The following GRIA4 variants were observed in gnomAD, a reference collection of about 807,000 sequenced individuals.
GRIA4 encodes glutamate ionotropic receptor AMPA type subunit 4, also known as glutamate receptor 4.
A neutral mutation model predicts 104.0 loss-of-function variants in GRIA4; 34 were observed. The observed-to-expected ratio is 0.33, with a 90% CI of 0.25 to 0.44. GRIA4 has a LOEUF of 0.44. GRIA4 is among the 20% of genes least tolerant of loss of function. The probability of loss-of-function intolerance (pLI) is 1.00; values close to 1 mark genes in which losing one functional copy is unlikely to be tolerated. For synonymous variants in GRIA4, 386 were observed against 381.9 expected (o/e 1.01, Z -0.13); for missense variants, 750 against 1,096.5 (o/e 0.68, Z 4.46).
chr11:105,823,646 A>G (rs1306986227), intron 4 of GRIA4, among the ~76,000 whole-genome samples: 1 of 152,104 alleles, frequency 6.6e-6, no homozygotes, highest in Non-Finnish European at 1.5e-5. Context: ...ATAATGAACA[A>G]AGTATAATAA....
At chr11:105,938,023 G>A (rs190198798) in intron 14 of GRIA4, among the ~76,000 whole-genome samples, 2 of 152,136 alleles carry the variant, frequency 1.3e-5, no homozygotes, top group African/African-American at 2.4e-5. Context: ...ATCTCTCATT[G>A]GACTTTTCCT....
At chr11:105,917,138 T>G (rs982103977) in intron 10 of GRIA4, among the ~76,000 whole-genome samples, 3 of 152,202 alleles carry the variant, frequency 2.0e-5, no homozygotes, top group African/African-American at 7.2e-5. Context: ...TACTGCATAA[T>G]TTTCATCTAT....
At chr11:105,896,666 G>A (rs1006244748) in intron 6 of GRIA4, among the ~76,000 whole-genome samples, 9 of 152,056 alleles carry the variant, frequency 5.9e-5, no homozygotes, top group African/African-American at 1.7e-4. Flanking sequence ...ATTGAATAGA[G>A]TATCCTTTCC....
chr11:105,652,120 T>C lies in GRIA4; in HGVS notation c.247+39686T>C, dbSNP rs1951701378. On this transcript the variant is annotated intron_variant, in intron 3 of 16. Transcript: ENST00000282499. ...CCTATAGAAAGGGATTGAAATTTAC[T>C]GATATTTTATGACAAACATTCAGCA... Among the ~76,000 whole-genome samples the C allele has an allele frequency of 6.6e-5, 10 of 152,306 alleles. No homozygotes were observed. In the South Asian group the frequency reaches 2.1e-3, roughly 32 times the overall value.
chr11:105,884,282 A>C (rs1378143383), intron 5 of GRIA4, among the ~76,000 whole-genome samples: 2 of 152,254 alleles, frequency 1.3e-5, no homozygotes, highest in African/African-American at 2.4e-5. Context: ...ATTTTTTAAA[A>C]AGCAATTACA....
At chr11:105,621,881 T>TA (rs1950755862) in intron 3 of GRIA4, among the ~76,000 whole-genome samples, 2 of 151,904 alleles carry the variant, frequency 1.3e-5, no homozygotes, top group Admixed American at 1.3e-4. Flanking sequence ...TTTGAATCTT[T>TA]ACTTGTCCTG....
At chr11:105,804,416 A>T (rs148449100) in intron 4 of GRIA4, among the ~76,000 whole-genome samples, 38 of 151,878 alleles carry the variant, frequency 2.5e-4, no homozygotes, top group African/African-American at 9.2e-4. Context: ...AATGACACAT[A>T]TGACACATCT....
At chr11:105,888,150 T>C (rs1946332355) in intron 6 of GRIA4, among the ~76,000 whole-genome samples, 1 of 152,006 alleles carries the variant, frequency 6.6e-6, no homozygotes, top group Admixed American at 6.6e-5. Context: ...AACCATGTAG[T>C]GTAGGGGGTA....
At chr11:105,945,907 A>G (rs1948295677) in intron 14 of GRIA4, among the ~76,000 whole-genome samples, 1 of 152,196 alleles carries the variant, frequency 6.6e-6, no homozygotes. Flanking sequence ...TAAAATCCAA[A>G]GCATTTTTAT....
intron 5 of GRIA4, among the ~76,000 whole-genome samples, chr11:105,873,880 G>A (rs895306586): frequency 6.6e-6 from 1 of 152,112 alleles, no homozygotes; most frequent in Non-Finnish European, 1.5e-5. Context: ...TGTTCACTCT[G>A]ATGATAGTTT....
chr11:105,964,446 A>G (rs933813534), intron 14 of GRIA4, among the ~76,000 whole-genome samples: 66 of 152,250 alleles, frequency 4.3e-4, no homozygotes, highest in African/African-American at 1.4e-3. Context: ...TAAACACTTT[A>G]GTAGGCTAAT....
chr11:105,689,877 T>C (rs1953023288), intron 3 of GRIA4, among the ~76,000 whole-genome samples: 1 of 152,230 alleles, frequency 6.6e-6, no homozygotes, highest in Non-Finnish European at 1.5e-5. Flanking sequence ...TTTGTGAGGT[T>C]GTAACTAGCA....
chr11:105,923,403 G>A (rs1947621576), intron 11 of GRIA4, among the ~76,000 whole-genome samples: 1 of 152,084 alleles, frequency 6.6e-6, no homozygotes, highest in South Asian at 2.1e-4. Context: ...GAGCTGCCAT[G>A]ATATGTGAAT....
intron 4 of GRIA4, 55 bp downstream of exon 4, chr11:105,753,275 G>A (rs749502294): frequency 1.9e-6 from 3 of 1,539,596 alleles, no homozygotes; most frequent in African/African-American, 1.4e-5. Context: ...AATGTGAAAT[G>A]GCCTTATATG....
In GRIA4 at chr11:105,979,645, G is replaced by T; in HGVS notation, c.2615G>T (p.Arg872Leu). 2 of 1,613,334 alleles carry T rather than the reference G, an allele frequency of 1.2e-6. No individual in the cohort carries two copies. The highest frequency in any genetic ancestry group is 1.7e-6 in the Non-Finnish European group (2 of 1,179,288). The change falls in exon 17 of 17, where the codon CGC (arginine) becomes CTC (leucine). Residue 872 changes from arginine (R) to leucine (L), a missense_variant. Physicochemically the swap from Arg to Leu is moderately radical, Grantham distance 102. This residue lies in a region of GRIA4 where 68 missense variants were observed against 69.3 expected (regional missense o/e 0.98). Coordinates refer to ENST00000282499, the MANE Select transcript of GRIA4 (RefSeq NM_000829.4). The part of the protein sequence containing the change: ...SITGSVGENG[R>L]VLTPDCPKAV... ...ACTGGGAGTGTGGGAGAGAATGGCC[G>T]CGTCTTGACGCCTGACTGCCCAAAG... is the stretch of plus-strand genomic sequence containing the variant.
At chr11:105,674,592 C>A (rs753838673) in intron 3 of GRIA4, among the ~76,000 whole-genome samples, 1 of 151,714 alleles carries the variant, frequency 6.6e-6, no homozygotes, top group Admixed American at 6.6e-5. Context: ...TCCATTTACC[C>A]GAAAATTTGG....
intron 5 of GRIA4, among the ~76,000 whole-genome samples, chr11:105,882,185 G>T (rs1313258636): frequency 6.6e-6 from 1 of 152,122 alleles, no homozygotes; most frequent in Non-Finnish European, 1.5e-5. Flanking sequence ...CTCTGAATAT[G>T]TTGTGCCATT....
chr11:105,648,457 T>C (rs1951592273), intron 3 of GRIA4, among the ~76,000 whole-genome samples: 1 of 151,332 alleles, frequency 6.6e-6, no homozygotes, highest in Non-Finnish European at 1.5e-5. Flanking sequence ...TTATAGTATA[T>C]AAAATAATGC....
rs143174591 is a variant in GRIA4, at chr11:105,814,386, A to G, written c.488-47638A>G. On this transcript the variant is annotated intron_variant, in intron 4 of 16. Coordinates refer to ENST00000282499, the MANE Select transcript of GRIA4 (RefSeq NM_000829.4). ...TTGATATTACTATTGATTCACACTCAAAGTATTAATGAAAGTGTCCTGTGT... is the reference window on the plus strand; with the variant it reads ...TTGATATTACTATTGATTCACACTCGAAGTATTAATGAAAGTGTCCTGTGT... Among the ~76,000 whole-genome samples the G allele has an allele frequency of 6.9e-3, 1,049 of 152,324 alleles. 23 individuals are homozygous for G. The highest frequency in any genetic ancestry group is 0.024 in the African/African-American group (1,011 of 41,572).
Sources: gnomAD v4.1 joint callset for allele counts (sites outside exome capture counted in the v4.1 genomes callset) on GRCh38, gnomAD v4.1.1 for gene constraint, gnomAD v4.1.1 regional missense constraint, MANE v1.5 for transcripts, NCBI Gene and HGNC (gene_info 2026-07-23, HGNC 2026-07-21) for gene names.